FBN2: variants seen among roughly 807,000 people sequenced by gnomAD.
FBN2 encodes the protein fibrillin-2.
Under a neutral mutation model 355.6 loss-of-function variants are expected in FBN2, and 105 were observed. That is an observed-to-expected ratio of 0.30 (90% CI 0.25 to 0.35). The LOEUF (loss-of-function observed/expected upper bound fraction) is 0.35. Ranked by LOEUF, FBN2 falls within the 10% of genes least tolerant of loss-of-function variation. FBN2 has a pLI of 1.00. For synonymous variants in FBN2, 1,350 were observed against 1,301.2 expected (o/e 1.04, Z -0.81); for missense variants, 3,280 against 3,758.7 (o/e 0.87, Z 3.33).
At position 128,305,065 on chromosome 5, in the gene FBN2, C is replaced by T. The variant is rs767932789; in HGVS notation, c.5692G>A (p.Glu1898Lys). ...GACVDRNECL[E>K]IPNVCSHGLC... is the part of the protein sequence containing the mutation. The stretch of plus-strand genomic sequence containing the variant: ...CCATGACTGCAAACGTTAGGAATTT[C>T]TAAACATTCATTGCGATCTAAAACA... Residue 1898 changes from glutamate (E) to lysine (K), a missense_variant, in exon 45 of 65, where the codon GAA becomes AAA. By Grantham distance (56) the Glu-to-Lys change is moderately conservative. Coordinates refer to ENST00000262464, the MANE Select transcript of FBN2 (RefSeq NM_001999.4). The T allele has an allele frequency of 1.9e-6, 3 of 1,612,124 alleles. No homozygotes were observed. The highest frequency in any genetic ancestry group is 2.5e-6 in the Non-Finnish European group (3 of 1,178,908).
Position 128,338,081 on chromosome 5 carries a change from C to T in FBN2, c.3514G>A (p.Gly1172Ser), listed in dbSNP as rs138303817. Residue 1172 changes from glycine to serine, a missense_variant, in exon 27 of 65, where the codon GGC (glycine) becomes AGC (serine). Coordinates refer to ENST00000262464, the MANE Select transcript of FBN2 (RefSeq NM_001999.4). The stretch of plus-strand genomic sequence containing the variant: ...CTGCCCTCAGTGTTCACACAGGTGC[C>T]ACCCCTACAAAGGAGAGGGTTACGT... ...CERNPLLCRGGTCVNTEGSFQ... is the reference protein window; with the variant it reads ...CERNPLLCRGSTCVNTEGSFQ... 3.1e-6 allele frequency: 5 copies of T among 1,613,938 alleles called. No homozygotes were observed. The Admixed American group carries it at 5.0e-5, about 16-fold the overall frequency.
chr5:128,507,724 T>C (rs1756002761), intron 5 of FBN2, among the ~76,000 whole-genome samples: 1 of 152,058 alleles, frequency 6.6e-6, no homozygotes, highest in South Asian at 2.1e-4. Context: ...ACATGTTCCA[T>C]GTGCAATAAA....
chr5:128,519,367 A>G lies in FBN2; in HGVS notation c.534T>C (p.Pro178=), dbSNP rs754006843. ...CATTCTGACATCCATTTTCACAGAC[A>G]GCTGCATACAAAAATAGCAAGAAGC... The part of the protein sequence containing the change: ...KGYIGTYCGQ[P]VCENGCQNGG... The change falls in exon 5 of 65, where the codon CCT becomes CCC. Residue 178 remains proline, a splice_region_variant and synonymous_variant. Coordinates refer to ENST00000262464, the MANE Select transcript of FBN2 (RefSeq NM_001999.4). The G allele has an allele frequency of 6.2e-7, 1 of 1,613,360 alleles. No individual in the cohort carries two copies. The highest frequency in any genetic ancestry group is 8.5e-7 in the Non-Finnish European group (1 of 1,179,446).
chr5:128,538,132 C>A lies in FBN2; in HGVS notation c.-529G>T. 1 of 156,356 alleles carries A rather than the reference C, an allele frequency of 6.4e-6. No homozygotes were observed. The allele number at this position is 156,356 out of a possible 1,614,324, so 9.7% of individuals were successfully genotyped here. On this transcript the variant is annotated 5_prime_UTR_variant, in exon 1 of 65. Transcript: ENST00000262464. ...TTCCCTCCGGGCTCGCTCGGAGTCC[C>A]ACAGGGCAACGAAGCGCGGGTAGCG...
At chr5:128,344,868 T>C (rs533019064) in intron 24 of FBN2, among the ~76,000 whole-genome samples, 2 of 150,888 alleles carry the variant, frequency 1.3e-5, no homozygotes, top group Admixed American at 1.3e-4. Context: ...GCCCGGCTAA[T>C]TTTTGTATTT....
At chr5:128,497,631 G>T (rs997241311) in intron 5 of FBN2, among the ~76,000 whole-genome samples, 1 of 152,122 alleles carries the variant, frequency 6.6e-6, no homozygotes. Context: ...CAAATTTCTG[G>T]CAATAAAGTG....
chr5:128,288,461 G>T lies in FBN2; in HGVS notation c.6734C>A (p.Pro2245Gln). 1.2e-6 allele frequency: 2 copies of T among 1,614,028 alleles called. No individual in the cohort carries two copies. Among genetic ancestry groups the T allele is most frequent in the Non-Finnish European group, 1.7e-6 (2 of 1,179,948 alleles). ...FECNCNEGFEPGPMMNCEDIN... is the reference protein window; with the variant it reads ...FECNCNEGFEQGPMMNCEDIN... The stretch of plus-strand genomic sequence containing the variant: ...GCCTTCACAATTCATCATGGGCCCT[G>T]GCTCAAAGCCTTCATTGCAATTGCA... Residue 2245 changes from proline to glutamine, a missense_variant, in exon 53 of 65, where the codon CCA (proline) becomes CAA (glutamine). Coordinates refer to ENST00000262464, the MANE Select transcript of FBN2 (RefSeq NM_001999.4).
intron 5 of FBN2, among the ~76,000 whole-genome samples, chr5:128,474,499 GA>G (rs1195357738): frequency 1.3e-5 from 2 of 152,086 alleles, no homozygotes; most frequent in African/African-American, 4.8e-5. Context: ...AGAACCAATA[GA>G]AACAAGGTGC....
chr5:128,338,509 A>G (rs1180736329), intron 26 of FBN2, among the ~76,000 whole-genome samples: 1 of 152,170 alleles, frequency 6.6e-6, no homozygotes, highest in African/African-American at 2.4e-5. Flanking sequence ...TAGGTCTTAT[A>G]TCATACTGAA....
At chr5:128,333,489 G>C (rs1750747464) in intron 31 of FBN2, among the ~76,000 whole-genome samples, 1 of 151,714 alleles carries the variant, frequency 6.6e-6, no homozygotes, top group African/African-American at 2.4e-5. Flanking sequence ...AAAAGTAATA[G>C]TTTATTCTCT....
At chr5:128,334,950 A>G (rs1300074243) in intron 30 of FBN2, 106 bp from the exon 31 acceptor site, 2 of 1,214,260 alleles carry the variant, frequency 1.6e-6, no homozygotes, top group Non-Finnish European at 2.4e-6. Context: ...CAAGATCTAA[A>G]ATATAATCCA....
At chr5:128,455,705 G>A (rs1754363459) in intron 6 of FBN2, among the ~76,000 whole-genome samples, 1 of 151,898 alleles carries the variant, frequency 6.6e-6, no homozygotes, top group African/African-American at 2.4e-5. Flanking sequence ...ACACGGGGAT[G>A]GGAAACCCCC....
intron 5 of FBN2, among the ~76,000 whole-genome samples, chr5:128,480,317 A>G (rs1755146722): frequency 1.3e-5 from 2 of 151,594 alleles, no homozygotes; most frequent in Non-Finnish European, 2.9e-5. Flanking sequence ...TTATAGACAT[A>G]TGCACTTAGC....
At chr5:128,299,367 C>T (rs552904107) in intron 48 of FBN2, among the ~76,000 whole-genome samples, 3 of 150,094 alleles carry the variant, frequency 2.0e-5, no homozygotes, top group Non-Finnish European at 2.9e-5. Context: ...CCAAACAGTT[C>T]GAGCTTCCGG....
intron 7 of FBN2, among the ~76,000 whole-genome samples, chr5:128,444,824 A>G (rs1754024309): frequency 6.6e-6 from 1 of 152,248 alleles, no homozygotes. Context: ...GATGTGCATT[A>G]GAAATGTCAC....
intron 20 of FBN2, among the ~76,000 whole-genome samples, chr5:128,355,426 A>T (rs1265541564): frequency 1.3e-5 from 2 of 152,258 alleles, no homozygotes; most frequent in Non-Finnish European, 2.9e-5. Context: ...AGCAGTTTGC[A>T]GAATAGTTGA....
rs1447505171 is a variant in FBN2, at chr5:128,537,809, G to A, written c.-206C>T. ...CCGCGAAGCGAGACGCGGGGCGCCG[G>A]GTCTAGCGCAGTGAGCGGCGAGGCG... On this transcript the variant is annotated 5_prime_UTR_variant, in exon 1 of 65. Transcript: ENST00000262464. 2.1e-5 allele frequency: 13 copies of A among 614,542 alleles called. No individual in the cohort carries two copies. The highest frequency in any genetic ancestry group is 3.4e-5 in the Non-Finnish European group (12 of 349,956). The allele number at this position is 614,542 out of a possible 1,614,324, so 38.1% of individuals were successfully genotyped here.
At chr5:128,345,615 A>G (rs775383140) in intron 23 of FBN2, 31 bp from the exon 24 acceptor site, 11 of 1,575,064 alleles carry the variant, frequency 7.0e-6, no homozygotes, top group Non-Finnish European at 9.6e-6. Flanking sequence ...CAGGGTGAGA[A>G]TGAGTTGAAA....
chr5:128,460,828 C>G (rs1291091415), intron 6 of FBN2, among the ~76,000 whole-genome samples: 2 of 152,140 alleles, frequency 1.3e-5, no homozygotes, highest in African/African-American at 4.8e-5. Flanking sequence ...AAACTGGACC[C>G]CTTCCTTACA....
Sources: allele counts gnomAD v4.1 joint callset (sites outside exome capture counted in the v4.1 genomes callset), GRCh38; gene constraint gnomAD v4.1.1; transcripts MANE v1.5; gene names NCBI Gene and HGNC (gene_info 2026-07-23, HGNC 2026-07-21).